ZNF385B: variants seen among roughly 807,000 people sequenced by gnomAD.
ZNF385B encodes the protein zinc finger protein 533.
Under a neutral mutation model 39.2 loss-of-function variants are expected in ZNF385B, and 23 were observed. That is an observed-to-expected ratio of 0.59 (90% confidence interval 0.42 to 0.83). ZNF385B has a LOEUF of 0.83. Ranked by LOEUF, ZNF385B falls within the 40% of genes least tolerant of loss-of-function variation. The pLI, the probability that ZNF385B is intolerant of heterozygous loss-of-function variation, is 0.00. For missense variants in ZNF385B, 552 were observed against 598.9 expected (o/e 0.92, Z 0.82); for synonymous variants, 205 against 222.6 (o/e 0.92, Z 0.70).
chr2:179,754,244 T>C (rs1485625874), intron 3 of ZNF385B, among the ~76,000 whole-genome samples: 1 of 152,218 alleles, frequency 6.6e-6, no homozygotes, highest in Non-Finnish European at 1.5e-5. Context: ...TTTATTGATT[T>C]GCATATGTTG....
chr2:179,821,618 T>C (rs1707400302), intron 1 of ZNF385B, among the ~76,000 whole-genome samples: 1 of 152,158 alleles, frequency 6.6e-6, no homozygotes, highest in African/African-American at 2.4e-5. Flanking sequence ...TAAGAAGCAA[T>C]TTTAAGATGT....
intron 3 of ZNF385B, among the ~76,000 whole-genome samples, chr2:179,628,344 T>C (rs1690865055): frequency 1.3e-5 from 2 of 152,210 alleles, no homozygotes; most frequent in South Asian, 4.1e-4. Context: ...AATTTTTTGA[T>C]AGTCCTCCCC....
At chr2:179,519,127 T>C (rs1304472476) in intron 4 of ZNF385B, among the ~76,000 whole-genome samples, 1 of 152,218 alleles carries the variant, frequency 6.6e-6, no homozygotes, top group African/African-American at 2.4e-5. Flanking sequence ...ACTACAGGCA[T>C]GTGCCACACT....
chr2:179,494,495 G>A (rs965175098), intron 5 of ZNF385B, among the ~76,000 whole-genome samples: 5 of 151,908 alleles, frequency 3.3e-5, no homozygotes, highest in African/African-American at 9.7e-5. Context: ...TTTTCTTAAC[G>A]GATATTTATA....
intron 3 of ZNF385B, among the ~76,000 whole-genome samples, chr2:179,645,938 C>T (rs190502653): frequency 1.6e-4 from 24 of 152,166 alleles, no homozygotes; most frequent in Non-Finnish European, 3.2e-4. Flanking sequence ...ATGAGAGTGG[C>T]TCACAACCCT....
chr2:179,642,006 T>C (rs1184651268), intron 3 of ZNF385B, among the ~76,000 whole-genome samples: 2 of 152,262 alleles, frequency 1.3e-5, no homozygotes, highest in African/African-American at 4.8e-5. Context: ...ATGGGCAAGT[T>C]ATTAAGCACA....
At chr2:179,695,389 A>G (rs1176215891) in intron 3 of ZNF385B, among the ~76,000 whole-genome samples, 1 of 152,172 alleles carries the variant, frequency 6.6e-6, no homozygotes, top group Non-Finnish European at 1.5e-5. Context: ...ACCATCAAGA[A>G]AGTGAAAAGA....
At chr2:179,647,855 G>A (rs576331943) in intron 3 of ZNF385B, among the ~76,000 whole-genome samples, 2 of 152,244 alleles carry the variant, frequency 1.3e-5, no homozygotes, top group African/African-American at 4.8e-5. Flanking sequence ...GGCAGACAAT[G>A]ATCTTATAGG....
At chr2:179,797,729 T>C (rs553181278) in intron 1 of ZNF385B, among the ~76,000 whole-genome samples, 12 of 152,160 alleles carry the variant, frequency 7.9e-5, no homozygotes, top group Non-Finnish European at 1.6e-4. Context: ...TGAAAACCGA[T>C]AGTCAGATCT....
chr2:179,675,751 T>C (rs1696670549), intron 3 of ZNF385B, among the ~76,000 whole-genome samples: 4 of 151,746 alleles, frequency 2.6e-5, no homozygotes, highest in Non-Finnish European at 5.9e-5. Context: ...CTTTCAAGAG[T>C]TGTATCTGTG....
At chr2:179,629,118 T>C (rs1287127017) in intron 3 of ZNF385B, among the ~76,000 whole-genome samples, 1 of 152,220 alleles carries the variant, frequency 6.6e-6, no homozygotes, top group South Asian at 2.1e-4. Flanking sequence ...CAGGCTCTTA[T>C]AAATTTCCAG....
At chr2:179,649,316 T>C (rs897180653) in intron 3 of ZNF385B, among the ~76,000 whole-genome samples, 1 of 152,222 alleles carries the variant, frequency 6.6e-6, no homozygotes, top group African/African-American at 2.4e-5. Flanking sequence ...CTATCTATAT[T>C]AGGGCAAATG....
intron 3 of ZNF385B, among the ~76,000 whole-genome samples, chr2:179,709,082 C>T (rs1559115746): frequency 1.3e-5 from 2 of 152,128 alleles, no homozygotes; most frequent in African/African-American, 4.8e-5. Flanking sequence ...AGAGTGAAGA[C>T]CAATTTGCAT....
At chr2:179,618,237 A>G (rs1689923571) in intron 3 of ZNF385B, among the ~76,000 whole-genome samples, 1 of 152,224 alleles carries the variant, frequency 6.6e-6, no homozygotes, top group Non-Finnish European at 1.5e-5. Context: ...TAATTTTAGT[A>G]GCAAAGTCTA....
intron 3 of ZNF385B, among the ~76,000 whole-genome samples, chr2:179,688,776 C>T (rs1263842318): frequency 6.6e-6 from 1 of 152,110 alleles, no homozygotes; most frequent in African/African-American, 2.4e-5. Flanking sequence ...TGTACTCCTC[C>T]TCTGTAACTG....
chr2:179,617,269 G>A (rs952084795), intron 3 of ZNF385B, among the ~76,000 whole-genome samples: 8 of 152,190 alleles, frequency 5.3e-5, no homozygotes, highest in African/African-American at 1.9e-4. Flanking sequence ...ATCCAAGGCA[G>A]GGACTGATGC....
intron 1 of ZNF385B, among the ~76,000 whole-genome samples, chr2:179,836,962 A>G (rs571079917): frequency 6.6e-6 from 1 of 152,366 alleles, no homozygotes; most frequent in African/African-American, 2.4e-5. Flanking sequence ...AGAGAAAAGC[A>G]TTAAACGATC....
intron 1 of ZNF385B, among the ~76,000 whole-genome samples, chr2:179,820,114 A>G (rs953556422): frequency 1.3e-4 from 19 of 151,996 alleles, no homozygotes; most frequent in Admixed American, 1.0e-3. Flanking sequence ...TACTACTCAA[A>G]TTTTTTTCAT....
chr2:179,637,799 C>T (rs369237440), intron 3 of ZNF385B, among the ~76,000 whole-genome samples: 17 of 152,108 alleles, frequency 1.1e-4, no homozygotes, highest in Non-Finnish European at 2.2e-4. Flanking sequence ...CTCCATATTG[C>T]CCTGCAGTAT....
Sources: gnomAD v4.1 joint callset for allele counts (sites outside exome capture counted in the v4.1 genomes callset) on GRCh38, gnomAD v4.1.1 for gene constraint, MANE v1.5 for transcripts, NCBI Gene and HGNC (gene_info 2026-07-23, HGNC 2026-07-21) for gene names.